GALR1: variants seen among roughly 807,000 people sequenced by gnomAD.
GALR1 encodes galanin receptor type 1.
GALR1 carries 11 observed loss-of-function variants against 17.9 expected under a neutral mutation model. That is an observed-to-expected ratio of 0.62 (90% CI 0.39 to 1.02). The LOEUF is 1.02. Among genes scored for constraint, GALR1 ranks in the 50% least tolerant of loss-of-function variants. The pLI, the probability that GALR1 is intolerant of heterozygous loss-of-function variation, is 0.01. For synonymous variants in GALR1, 206 were observed against 205.7 expected, an observed-to-expected ratio of 1.00 and a Z score of -0.01; for missense variants, 441 against 456.9, an observed-to-expected ratio of 0.97 and a Z score of 0.32.
chr18:77,256,306 C>T, intron 2 of GALR1, 83 bp downstream of exon 2: 4 of 778,586 alleles, frequency 5.1e-6, no homozygotes, highest in Non-Finnish European at 8.7e-6. Flanking sequence ...TCACGTCCAT[C>T]CAAAGCCTGT....
chr18:77,261,410 A>T (rs1424949916), intron 2 of GALR1, among the ~76,000 whole-genome samples: 6 of 152,170 alleles, frequency 3.9e-5, no homozygotes, highest in Admixed American at 3.9e-4. Context: ...GTCATAAATA[A>T]ATTTTAAAAA....
intron 1 of GALR1, among the ~76,000 whole-genome samples, chr18:77,252,902 CCACCACCACCACCACCACCAT>C (rs1568139020): frequency 1.4e-3 from 66 of 47,212 alleles, no homozygotes; most frequent in African/African-American, 3.2e-3. Flanking sequence ...ACCATCACCA[CCACCACCACCACCACCACCAT>C]CACCACCACC....
rs771622194 is a variant in GALR1, at chr18:77,250,816, C to T, written c.268C>T (p.Pro90Ser). The T allele has an allele frequency of 1.2e-6, 2 of 1,613,878 alleles. No homozygotes were observed. Among genetic ancestry groups the T allele is most frequent in the South Asian group, 2.2e-5 (2 of 91,084 alleles). Reference protein sequence around the residue: ...ADLAYLLFCIPFQATVYALPT... With the variant: ...ADLAYLLFCISFQATVYALPT... Reference sequence around the variant, plus strand: ...CCTGGCCTACCTGCTCTTCTGCATCCCCTTCCAGGCCACCGTGTACGCGCT... The same window carrying T: ...CCTGGCCTACCTGCTCTTCTGCATCTCCTTCCAGGCCACCGTGTACGCGCT... Residue 90 changes from proline to serine, a missense_variant, in exon 1 of 3, where the codon CCC becomes TCC. Physicochemically the swap from Pro to Ser is moderately conservative, Grantham distance 74. Coordinates refer to ENST00000299727, the MANE Select transcript of GALR1 (RefSeq NM_001480.4).
intron 2 of GALR1, among the ~76,000 whole-genome samples, chr18:77,267,548 T>C (rs927125059): frequency 6.6e-6 from 1 of 152,252 alleles, no homozygotes; most frequent in Admixed American, 6.5e-5. Flanking sequence ...ATCGCGGCAC[T>C]AGAGGTTGTG....
At chr18:77,261,394 A>G (rs1180500853) in intron 2 of GALR1, among the ~76,000 whole-genome samples, 2 of 152,226 alleles carry the variant, frequency 1.3e-5, no homozygotes, top group African/African-American at 4.8e-5. Flanking sequence ...GAGTAGAAAG[A>G]ATCACGTCAT....
chr18:77,267,959 G>T (rs866035819), intron 2 of GALR1, among the ~76,000 whole-genome samples: 31 of 152,242 alleles, frequency 2.0e-4, no homozygotes, highest in Middle Eastern at 3.4e-3. Context: ...GAAACACGAA[G>T]ACCCTGCCTC....
rs776837217 is a variant in GALR1, at chr18:77,268,914, G to T, written c.*12G>T. 1.9e-6 allele frequency: 3 copies of T among 1,591,266 alleles called. No homozygotes were observed. Among genetic ancestry groups the T allele is most frequent in the Non-Finnish European group, 2.6e-6 (3 of 1,161,742 alleles). Reference sequence around the variant, plus strand: ...GTACTCATGTGTGATAAAAGATAGAGTATCCTTATGGTTGAGTTTCCATAT... The same window carrying T: ...GTACTCATGTGTGATAAAAGATAGATTATCCTTATGGTTGAGTTTCCATAT... On this transcript the variant is annotated 3_prime_UTR_variant, in exon 3 of 3. Coordinates refer to ENST00000299727, the MANE Select transcript of GALR1 (RefSeq NM_001480.4).
intron 2 of GALR1, among the ~76,000 whole-genome samples, chr18:77,264,526 G>A (rs1413074904): frequency 6.6e-6 from 1 of 152,160 alleles, no homozygotes; most frequent in East Asian, 1.9e-4. Context: ...ATGCTGTGAT[G>A]GGAAGGCCAG....
intron 2 of GALR1, among the ~76,000 whole-genome samples, chr18:77,259,409 T>TGA (rs1568142287): frequency 3.6e-5 from 5 of 140,336 alleles, no homozygotes; most frequent in Middle Eastern, 3.8e-3. Context: ...GTCATGGTGG[T>TGA]TATGGTGGTG....
chr18:77,254,492 A>G (rs1912542572), intron 1 of GALR1, among the ~76,000 whole-genome samples: 1 of 152,174 alleles, frequency 6.6e-6, no homozygotes, highest in African/African-American at 2.4e-5. Flanking sequence ...TCACATTTGG[A>G]CATTTTGTTG....
chr18:77,261,633 GATGTTTCC>G (rs1239639698), intron 2 of GALR1, among the ~76,000 whole-genome samples: 2 of 152,180 alleles, frequency 1.3e-5, no homozygotes, highest in East Asian at 3.8e-4. Context: ...GTTACTTTCT[GATGTTTCC>G]ATGGGAAAGA....
chr18:77,266,192 C>T (rs1912941497), intron 2 of GALR1, among the ~76,000 whole-genome samples: 1 of 152,186 alleles, frequency 6.6e-6, no homozygotes, highest in Non-Finnish European at 1.5e-5. Flanking sequence ...GGGCAAAATG[C>T]CACCAGTCTC....
chr18:77,268,795 A>G lies in GALR1; in HGVS notation c.943A>G (p.Lys315Glu). ...CTCTGAAAATTTCAGGAAGGCCTATAAACAAGTGTTCAAGTGTCACATTCG... is the reference window on the plus strand; with the variant it reads ...CTCTGAAAATTTCAGGAAGGCCTATGAACAAGTGTTCAAGTGTCACATTCG... ...FLSENFRKAYKQVFKCHIRKD... is the reference protein window; with the variant it reads ...FLSENFRKAYEQVFKCHIRKD... The change falls in exon 3 of 3, where the codon AAA becomes GAA. Residue 315 changes from lysine to glutamate, a missense_variant. By Grantham distance (56) the Lys-to-Glu change is moderately conservative (BLOSUM62 1). Coordinates refer to ENST00000299727, the MANE Select transcript of GALR1 (RefSeq NM_001480.4). 1 of 1,614,024 alleles carries G rather than the reference A, an allele frequency of 6.2e-7. No individual in the cohort carries two copies. The highest frequency in any genetic ancestry group is 1.6e-4 in the Middle Eastern group (1 of 6,062).
chr18:77,258,645 G>GA (rs1912668539), intron 2 of GALR1, among the ~76,000 whole-genome samples: 1 of 147,282 alleles, frequency 6.8e-6, no homozygotes. Flanking sequence ...GATGGTGGTG[G>GA]TGGTCATAGT....
At chr18:77,257,534 C>CTTTT (rs1568140878) in intron 2 of GALR1, among the ~76,000 whole-genome samples, 1 of 152,150 alleles carries the variant, frequency 6.6e-6, no homozygotes, top group Admixed American at 6.5e-5. Flanking sequence ...TTCCTCCTCT[C>CTTTT]TTTTTAGTGA....
At chr18:77,268,513 A>G (rs1912988783) in intron 2 of GALR1, 72 bp from the exon 3 acceptor site, 12 of 966,084 alleles carry the variant, frequency 1.2e-5, no homozygotes, top group Non-Finnish European at 1.7e-5. Context: ...GTAATCAATG[A>G]ATTTCCTTCC....
chr18:77,252,499 C>G (rs956094131), intron 1 of GALR1, among the ~76,000 whole-genome samples: 1 of 152,244 alleles, frequency 6.6e-6, no homozygotes, highest in Non-Finnish European at 1.5e-5. Flanking sequence ...TTCCCCCCAC[C>G]TATTTCATCT....
intron 2 of GALR1, among the ~76,000 whole-genome samples, chr18:77,261,105 T>C (rs1222143979): frequency 6.6e-6 from 1 of 152,092 alleles, no homozygotes; most frequent in Non-Finnish European, 1.5e-5. Flanking sequence ...AGAACAGACA[T>C]CTCAGATGAT....
In GALR1 at chr18:77,268,956, GAAAC is replaced by G. The variant is rs1913006054; in HGVS notation, c.*60_*63del. ...TTTCCATATAAGTGGACCAGACACA[GAAAC>G]AAACAGAATGAGCTAGTAAGCGATG... On this transcript the variant is annotated 3_prime_UTR_variant, in exon 3 of 3. Coordinates refer to ENST00000299727, the MANE Select transcript of GALR1 (RefSeq NM_001480.4). The G allele has an allele frequency of 7.7e-7, 1 of 1,301,860 alleles. No individual in the cohort carries two copies. The highest frequency in any genetic ancestry group is 1.5e-5 in the African/African-American group (1 of 68,464). 80.6% of individuals were successfully genotyped at this position (1,301,860 alleles called of 1,614,324 possible).
Sources: gnomAD v4.1 joint callset for allele counts (sites outside exome capture counted in the v4.1 genomes callset) on GRCh38, gnomAD v4.1.1 for gene constraint, MANE v1.5 for transcripts, NCBI Gene and HGNC (gene_info 2026-07-23, HGNC 2026-07-21) for gene names.